The following ATP6V1A variants were observed in gnomAD, a reference collection of about 807,000 sequenced individuals.
The protein encoded by ATP6V1A is V-type proton ATPase catalytic subunit A.
In ATP6V1A, 18 loss-of-function variants were observed where a neutral mutation model predicts 70.1. The observed-to-expected ratio is 0.26, with a 90% confidence interval of 0.18 to 0.38. The LOEUF is 0.38. Among genes scored for constraint, ATP6V1A ranks in the 10% least tolerant of loss-of-function variants. ATP6V1A has a pLI of 1.00. For missense variants in ATP6V1A, 424 were observed against 772.4 expected (o/e 0.55, Z 5.35); for synonymous variants, 232 against 253.8 (o/e 0.91, Z 0.82).
At chr3:113,758,507 C>T (rs745629451) in intron 1 of ATP6V1A, among the ~76,000 whole-genome samples, 1 of 152,060 alleles carries the variant, frequency 6.6e-6, no homozygotes, top group African/African-American at 2.4e-5. Context: ...TTACATGTAT[C>T]GATGATTCAT....
intron 1 of ATP6V1A, among the ~76,000 whole-genome samples, chr3:113,764,390 T>A (rs999880070): frequency 3.9e-5 from 6 of 152,224 alleles, no homozygotes; most frequent in Non-Finnish European, 8.8e-5. Context: ...AAAGACTGTG[T>A]AGCGCATAGA....
chr3:113,761,203 A>G (rs940688592), intron 1 of ATP6V1A, among the ~76,000 whole-genome samples: 3 of 151,854 alleles, frequency 2.0e-5, no homozygotes, highest in Non-Finnish European at 4.4e-5. Flanking sequence ...CAGCTTCCCA[A>G]GTAGCTGAGA....
At chr3:113,773,797 C>T (rs139532710) in intron 1 of ATP6V1A, among the ~76,000 whole-genome samples, 6 of 152,218 alleles carry the variant, frequency 3.9e-5, no homozygotes, top group Non-Finnish European at 8.8e-5. Context: ...TTCATCCTGC[C>T]CAACTCTAGG....
intron 8 of ATP6V1A, among the ~76,000 whole-genome samples, chr3:113,791,410 A>T (rs1313585360): frequency 7.8e-5 from 11 of 140,628 alleles, no homozygotes; most frequent in African/African-American, 2.9e-4. Context: ...TTTTTTTTTT[A>T]ACTGTGGTCA....
chr3:113,809,583 G>T lies in ATP6V1A; in HGVS notation c.*156G>T. 1.7e-6 allele frequency: 1 copy of T among 605,358 alleles called. No individual in the cohort carries two copies. Among genetic ancestry groups the T allele is most frequent in the Non-Finnish European group, 2.9e-6 (1 of 349,814 alleles). The allele number at this position is 605,358 out of a possible 1,614,324, so 37.5% of individuals were successfully genotyped here. On this transcript the variant is annotated 3_prime_UTR_variant, in exon 15 of 15. Transcript: ENST00000273398. ...ATTTGTTTCCCTGTTTTTTTGGTAG[G>T]TCTTATATAAAACAAACATTCCTTT...
intron 1 of ATP6V1A, among the ~76,000 whole-genome samples, chr3:113,765,778 G>T (rs983739159): frequency 2.0e-5 from 3 of 148,830 alleles, no homozygotes; most frequent in Non-Finnish European, 1.5e-5. Context: ...AAAAAAAAAG[G>T]TAGACAGGTG....
intron 1 of ATP6V1A, among the ~76,000 whole-genome samples, chr3:113,755,876 C>T (rs774497472): frequency 4.7e-4 from 72 of 152,104 alleles, no homozygotes; most frequent in Non-Finnish European, 7.5e-4. Context: ...TTACATTTTT[C>T]GCTTGAGTAT....
At chr3:113,754,714 A>G (rs558422923) in intron 1 of ATP6V1A, among the ~76,000 whole-genome samples, 1 of 152,350 alleles carries the variant, frequency 6.6e-6, no homozygotes, top group Admixed American at 6.5e-5. Flanking sequence ...ACTTAATCAT[A>G]TGACAGAATC....
chr3:113,762,828 T>C (rs1275474605), intron 1 of ATP6V1A, among the ~76,000 whole-genome samples: 1 of 152,188 alleles, frequency 6.6e-6, no homozygotes, highest in Non-Finnish European at 1.5e-5. Flanking sequence ...GTTGTCATTA[T>C]TGGATTTTAA....
rs1026291374 is a variant in ATP6V1A at position 113,780,863 on chromosome 3, C to G, written c.83-187C>G. 4 of 1,330,538 alleles carry G rather than the reference C, an allele frequency of 3.0e-6. No homozygotes were observed. The Admixed American group carries it at 7.8e-5, about 26-fold the overall frequency. The allele number at this position is 1,330,538 out of a possible 1,614,324, so 82.4% of individuals were successfully genotyped here. On this transcript the variant is annotated intron_variant, in intron 2 of 14. Transcript: ENST00000273398. ...TAAATAAATAATCTTTGGCTTACCT[C>G]TTTATATTATACACTAAAATATATA...
chr3:113,751,603 T>TA (rs1708586961), intron 1 of ATP6V1A, among the ~76,000 whole-genome samples: 2 of 151,750 alleles, frequency 1.3e-5, no homozygotes, highest in Admixed American at 6.6e-5. Context: ...TTAGTTTTGC[T>TA]ATTCTCTTTT....
intron 1 of ATP6V1A, among the ~76,000 whole-genome samples, chr3:113,755,575 G>T (rs1708639469): frequency 1.3e-5 from 2 of 152,120 alleles, no homozygotes; most frequent in African/African-American, 4.8e-5. Flanking sequence ...CAGACCCTGG[G>T]TGACAGAGCC....
chr3:113,768,630 C>G (rs1708800981), intron 1 of ATP6V1A, among the ~76,000 whole-genome samples: 2 of 134,246 alleles, frequency 1.5e-5, no homozygotes, highest in East Asian at 4.5e-4. Flanking sequence ...GAGTCTCACT[C>G]TGTTGCCCAG....
At chr3:113,748,123 T>A (rs1443619436) in intron 1 of ATP6V1A, among the ~76,000 whole-genome samples, 2 of 152,210 alleles carry the variant, frequency 1.3e-5, no homozygotes, top group East Asian at 1.9e-4. Context: ...TGTATCCCTC[T>A]TTAGCTTTCC....
At chr3:113,768,524 C>T (rs938126081) in intron 1 of ATP6V1A, among the ~76,000 whole-genome samples, 3 of 151,624 alleles carry the variant, frequency 2.0e-5, no homozygotes, top group South Asian at 2.1e-4. Flanking sequence ...ATATGGCTGC[C>T]GCAGTTCCAG....
At chr3:113,747,695 A>G (rs371139948) in intron 1 of ATP6V1A, among the ~76,000 whole-genome samples, 4 of 152,278 alleles carry the variant, frequency 2.6e-5, no homozygotes, top group Admixed American at 1.3e-4. Context: ...CGTGCTTCGG[A>G]TGGGACTAGA....
intron 14 of ATP6V1A, among the ~76,000 whole-genome samples, chr3:113,807,750 A>G (rs1024163687): frequency 2.0e-5 from 3 of 152,182 alleles, no homozygotes; most frequent in Admixed American, 1.3e-4. Flanking sequence ...TCAAATTAAC[A>G]TCACAGGTAT....
In ATP6V1A at chr3:113,809,425, T is replaced by G; in HGVS notation, c.1852T>G (p.Ter618GluextTer3). ...MQNAFRSLED[*>E] ...GAATGCATTCCGTAGCCTTGAAGAT[T>G]AGAAGCCTTGAAGATTACAACTGTG... The change falls in exon 15 of 15, where the codon TAG becomes GAG. Residue 618 changes from the stop codon to glutamate (E), a stop_lost. Transcript: ENST00000273398. The G allele has an allele frequency of 6.2e-7, 1 of 1,612,544 alleles. No homozygotes were observed. The highest frequency in any genetic ancestry group is 8.5e-7 in the Non-Finnish European group (1 of 1,178,898).
At chr3:113,804,225 T>C (rs1301010944) in intron 13 of ATP6V1A, among the ~76,000 whole-genome samples, 2 of 151,730 alleles carry the variant, frequency 1.3e-5, no homozygotes, top group Non-Finnish European at 2.9e-5. Context: ...ACTCCTGGGC[T>C]CAAGCAGTCC....
Sources: gnomAD v4.1 joint callset for allele counts (sites outside exome capture counted in the v4.1 genomes callset) on GRCh38, gnomAD v4.1.1 for gene constraint, MANE v1.5 for transcripts, NCBI Gene and HGNC (gene_info 2026-07-23, HGNC 2026-07-21) for gene names.